Variants in DDX3X observed in about 807,000 individuals in gnomAD.
The protein encoded by DDX3X is ATP-dependent RNA helicase DDX3X.
DDX3X carries 4 observed loss-of-function variants against 52.7 expected under a neutral mutation model. The observed-to-expected ratio is 0.08, with a 90% CI of 0.04 to 0.17. The LOEUF (loss-of-function observed/expected upper bound fraction) is 0.17. DDX3X is among the 10% of genes least tolerant of loss of function. The pLI is 1.00. For synonymous variants in DDX3X, 192 were observed against 178.1 expected (o/e 1.08, Z -0.62); for missense variants, 222 against 548.6 (o/e 0.40, Z 5.95).
rs186386625 is a variant in DDX3X at position 41,342,157 on chromosome X, G to C, written c.285-338G>C. 553 of 183,482 alleles carry C rather than the reference G, an allele frequency of 3.0e-3. 5 individuals are homozygous for C. Among genetic ancestry groups the C allele is most frequent in the African/African-American group, 0.015 (507 of 33,019 alleles). The allele number at this position is 183,482 out of a possible 1,213,427, so 15.1% of individuals were successfully genotyped here. A position where few individuals can be genotyped will look rare whatever the true frequency, so the allele number is the denominator to read the frequency against. Reference sequence around the variant, plus strand: ...TTGATATTTGGTGTGCTATTTTCTTGTTTTCCCTACCATTAAATATATTTG... The same window carrying C: ...TTGATATTTGGTGTGCTATTTTCTTCTTTTCCCTACCATTAAATATATTTG... On this transcript the variant is annotated intron_variant, in intron 4 of 16. Transcript: ENST00000644876.
chrX:41,334,843 T>G (rs1472061827), intron 1 of DDX3X: 12 of 763,874 alleles, frequency 1.6e-5, no homozygotes, highest in Non-Finnish European at 2.0e-5. Flanking sequence ...TTTTGTGTGG[T>G]GCTGGGCGGC....
intron 1 of DDX3X, chrX:41,335,775 T>C (rs965181579): frequency 8.9e-6 from 1 of 112,470 alleles, no homozygotes; most frequent in African/African-American, 3.2e-5. Flanking sequence ...TTAAATCCTC[T>C]AATTGCTGAC....
chrX:41,357,552 C>T (rs1235904443), intron 5 of DDX3X, among the ~76,000 whole-genome samples: 3 of 110,789 alleles, frequency 2.7e-5, no homozygotes, highest in Non-Finnish European at 5.7e-5. Flanking sequence ...GCATTAGCCT[C>T]CTGAATAGCT....
chrX:41,347,136 T>G, intron 15 of DDX3X, 124 bp downstream of exon 15: 2 of 936,816 alleles, frequency 2.1e-6, no homozygotes, highest in Admixed American at 6.0e-5. Flanking sequence ...CATCTTAGGC[T>G]TCCTAGATTC....
chrX:41,346,173 G>A, intron 12 of DDX3X, 56 bp from the exon 13 acceptor site: 3 of 1,051,469 alleles, frequency 2.9e-6, no homozygotes, highest in Non-Finnish European at 2.6e-6. Context: ...GCATACATAA[G>A]TGCAAAGAGA....
chrX:41,333,733 AAAAC>A (rs958153192), upstream of DDX3X: 1 of 112,780 alleles, frequency 8.9e-6, no homozygotes, highest in Non-Finnish European at 1.9e-5. Context: ...AAAAACAAAA[AAAAC>A]GAAAAACGAA....
downstream of DDX3X, among the ~76,000 whole-genome samples, chrX:41,355,205 G>A (rs183525999): frequency 1.4e-3 from 157 of 111,746 alleles, 1 homozygote; most frequent in Middle Eastern, 0.018. Flanking sequence ...CTTGTTTCCG[G>A]TTTGTGACTT....
intron 3 of DDX3X, chrX:41,339,597 C>T (rs1313384435): frequency 8.9e-6 from 1 of 112,099 alleles, no homozygotes; most frequent in Non-Finnish European, 1.9e-5. Flanking sequence ...GTGTCTTTTC[C>T]CATTGTAATT....
At chrX:41,340,343 A>G (rs2063832211) in intron 3 of DDX3X, 1 of 113,668 alleles carries the variant, frequency 8.8e-6, no homozygotes, top group Non-Finnish European at 1.8e-5. Flanking sequence ...TAGAGCTGGT[A>G]GAGATCTGGC....
At chrX:41,358,694 C>T (rs2064018195) in intron 5 of DDX3X, among the ~76,000 whole-genome samples, 1 of 111,938 alleles carries the variant, frequency 8.9e-6, no homozygotes, top group Non-Finnish European at 1.9e-5. Context: ...CCTTCCCTTT[C>T]ATATGGAGCA....
intron 4 of DDX3X, chrX:41,342,214 T>C: frequency 3.7e-6 from 1 of 268,520 alleles, no homozygotes; most frequent in East Asian, 7.1e-5. Flanking sequence ...TTGTGAGCTG[T>C]GTGCCGATTT....
In DDX3X at chrX:41,337,328, AAATGCTAGAGGGC is replaced by A. The variant is rs1380618989; in HGVS notation, c.46-78_46-66del. On this transcript the variant is annotated intron_variant, in intron 1 of 16. Coordinates refer to ENST00000644876, the MANE Select transcript of DDX3X (RefSeq NM_001356.5). ...GCAACTACTTGAATGCAGTACTAGC[AAATGCTAGAGGGC>A]AGGACTAGTTTTCTCTTAATGTAGT... 3 of 889,976 alleles carry A rather than the reference AAATGCTAGAGGGC, an allele frequency of 3.4e-6. No individual in the cohort carries two copies. The Admixed American group carries it at 6.9e-5, about 20-fold the overall frequency. 73.3% of individuals were successfully genotyped at this position (889,976 alleles called of 1,213,427 possible).
rs1332170961 is a variant in DDX3X at position 41,344,020 on chromosome X, T to G, written c.766-10T>G. ...GGTAGAGTTAACTTAAAAATTAACTTATTTCTTAGGAAAATGGAAGGTATG... is the reference window on the plus strand; with the variant it reads ...GGTAGAGTTAACTTAAAAATTAACTGATTTCTTAGGAAAATGGAAGGTATG... On this transcript the variant is annotated splice_polypyrimidine_tract_variant and intron_variant, in intron 8 of 16. Transcript: ENST00000644876. 8.4e-7 allele frequency: 1 copy of G among 1,189,912 alleles called. No individual in the cohort carries two copies. Among genetic ancestry groups the G allele is most frequent in the South Asian group, 1.8e-5 (1 of 54,150 alleles).
In DDX3X at chrX:41,334,205, A is replaced by G; in HGVS notation, c.-48A>G. ...TGAGAGGGCCTTCGCGGTGGAACAAACACTCGCTTAGCAGCGGAAGACTCC... is the reference window on the plus strand; with the variant it reads ...TGAGAGGGCCTTCGCGGTGGAACAAGCACTCGCTTAGCAGCGGAAGACTCC... On this transcript the variant is annotated 5_prime_UTR_variant, in exon 1 of 17. Transcript: ENST00000644876. The G allele has an allele frequency of 8.5e-7, 1 of 1,175,728 alleles. No individual in the cohort carries two copies. Among genetic ancestry groups the G allele is most frequent in the Non-Finnish European group, 1.2e-6 (1 of 867,469 alleles).
At position 41,347,845 on chromosome X, in the gene DDX3X, A is replaced by G. The variant is rs1300181162; in HGVS notation, c.*126A>G. On this transcript the variant is annotated 3_prime_UTR_variant, in exon 17 of 17. Coordinates refer to ENST00000644876, the MANE Select transcript of DDX3X (RefSeq NM_001356.5). ...ATTACCAGCTGTGATTCTCCACTGA[A>G]ATTTTTTTTTTAAGGGAGCTCAAGG... The G allele has an allele frequency of 1.2e-4, 57 of 476,917 alleles. No individual in the cohort carries two copies. The highest frequency in any genetic ancestry group is 2.0e-4 in the Non-Finnish European group (57 of 287,170). The allele number at this position is 476,917 out of a possible 1,213,427, so 39.3% of individuals were successfully genotyped here. A position where few individuals can be genotyped will look rare whatever the true frequency, so the allele number is the denominator to read the frequency against.
Position 41,347,634 on chromosome X carries a change from C to T in DDX3X, c.1910-6C>T, listed in dbSNP as rs753959921. On this transcript the variant is annotated splice_polypyrimidine_tract_variant and splice_region_variant and intron_variant, in intron 16 of 16. Coordinates refer to ENST00000644876, the MANE Select transcript of DDX3X (RefSeq NM_001356.5). ...AATTTCTCTCTCTTTTTAAATCTCTCATTAGGTGGCTATGGAGGCTTTTAC... is the reference window on the plus strand; with the variant it reads ...AATTTCTCTCTCTTTTTAAATCTCTTATTAGGTGGCTATGGAGGCTTTTAC... 3.4e-6 allele frequency: 4 copies of T among 1,173,443 alleles called. No individual in the cohort carries two copies. The East Asian group carries it at 1.2e-4, about 35-fold the overall frequency.
intron 5 of DDX3X, among the ~76,000 whole-genome samples, chrX:41,361,277 C>T (rs1355464883): frequency 9.1e-6 from 1 of 109,640 alleles, no homozygotes; most frequent in African/African-American, 3.3e-5. Flanking sequence ...CTTTGAGAGG[C>T]CAAGGCGGGT....
chrX:41,359,845 G>A (rs1211674643), intron 5 of DDX3X, among the ~76,000 whole-genome samples: 3 of 108,665 alleles, frequency 2.8e-5, no homozygotes, highest in Non-Finnish European at 3.8e-5. Context: ...AGCCGGGCGC[G>A]GTGGCGGGTG....
intron 5 of DDX3X, among the ~76,000 whole-genome samples, chrX:41,362,507 C>T (rs191051463): frequency 9.7e-4 from 108 of 111,484 alleles, no homozygotes; most frequent in African/African-American, 3.4e-3. Flanking sequence ...ATCCACTGTG[C>T]TCCTATCATA....
Sources: allele counts gnomAD v4.1 joint callset (sites outside exome capture counted in the v4.1 genomes callset), GRCh38; gene constraint gnomAD v4.1.1; transcripts MANE v1.5; gene names NCBI Gene and HGNC (gene_info 2026-07-23, HGNC 2026-07-21).